The following USP32 variants were observed in gnomAD, a reference collection of about 807,000 sequenced individuals.
USP32 encodes the protein ubiquitin specific peptidase 32, also known as ubiquitin carboxyl-terminal hydrolase 32.
In USP32, 59 loss-of-function variants were observed where a neutral mutation model predicts 204.8. The ratio of observed to expected loss-of-function variants is 0.29; its 90% CI spans 0.23 to 0.36. The LOEUF (loss-of-function observed/expected upper bound fraction) is 0.36, where lower values mean the gene tolerates loss of function less well. USP32 is among the 10% of genes least tolerant of loss of function. USP32 has a pLI of 1.00. For missense variants in USP32, 1,160 were observed against 1,946.4 expected (o/e 0.60, Z 7.60); for synonymous variants, 517 against 678.4 (o/e 0.76, Z 3.70).
At chr17:60,397,291 C>T (rs2089906933) in intron 1 of USP32, among the ~76,000 whole-genome samples, 3 of 152,204 alleles carry the variant, frequency 2.0e-5, no homozygotes, top group African/African-American at 7.2e-5. Context: ...ATACCAGCTC[C>T]AGCTGTGTAC....
chr17:60,330,776 G>T (rs1240522226), intron 2 of USP32, among the ~76,000 whole-genome samples: 1 of 152,044 alleles, frequency 6.6e-6, no homozygotes, highest in Non-Finnish European at 1.5e-5. Context: ...TTTTCTAAAA[G>T]CTTAGTTAAA....
chr17:60,262,139 T>G lies in USP32; in HGVS notation c.990+3273A>C, dbSNP rs78092459. On this transcript the variant is annotated intron_variant, in intron 9 of 33. Transcript: ENST00000300896. ...AGCAAGGTATCATATGAACTTTTTC[T>G]AAAGCAAATTCACTGACTATATGGC... Among the ~76,000 whole-genome samples the G allele has an allele frequency of 1.5e-3, 231 of 152,332 alleles. 1 individual carries two copies. The highest frequency in any genetic ancestry group is 5.4e-3 in the African/African-American group (224 of 41,574).
At chr17:60,390,248 A>C (rs1407782345) in intron 1 of USP32, among the ~76,000 whole-genome samples, 1 of 152,222 alleles carries the variant, frequency 6.6e-6, no homozygotes, top group East Asian at 1.9e-4. Flanking sequence ...TACAAGTTTA[A>C]TTTTGGAATT....
chr17:60,376,977 A>G (rs2089557380), intron 1 of USP32, among the ~76,000 whole-genome samples: 1 of 152,244 alleles, frequency 6.6e-6, no homozygotes, highest in South Asian at 2.1e-4. Flanking sequence ...CATCGAATAA[A>G]AACGCACAAA....
At chr17:60,272,210 T>C (rs1380832628) in intron 5 of USP32, among the ~76,000 whole-genome samples, 1 of 152,214 alleles carries the variant, frequency 6.6e-6, no homozygotes, top group Non-Finnish European at 1.5e-5. Context: ...GCAGGACCTA[T>C]GTCTGATTCA....
intron 1 of USP32, among the ~76,000 whole-genome samples, chr17:60,379,489 G>A (rs1166490248): frequency 6.6e-6 from 1 of 151,998 alleles, no homozygotes; most frequent in East Asian, 1.9e-4. Flanking sequence ...GATCACAAGA[G>A]GCACTAGTGA....
chr17:60,260,159 C>T (rs2086417882), intron 9 of USP32, among the ~76,000 whole-genome samples: 1 of 152,128 alleles, frequency 6.6e-6, no homozygotes, highest in Admixed American at 6.6e-5. Flanking sequence ...TACTAGATAA[C>T]CATCCATCAT....
At chr17:60,216,570 A>G (rs1337856900) in intron 16 of USP32, among the ~76,000 whole-genome samples, 5 of 152,284 alleles carry the variant, frequency 3.3e-5, no homozygotes, top group African/African-American at 4.8e-5. Context: ...GAACTTCAGA[A>G]AAGGAATTCC....
rs35763642 is a variant in USP32 at position 60,406,156 on chromosome 17, CAAAAAAAAA to C, written c.106+16081_106+16089del. 1.1e-3 allele frequency among the ~76,000 whole-genome samples: 52 copies of C among 45,254 alleles called. No individual in the cohort carries two copies. The South Asian group carries it at 0.015, about 13-fold the overall frequency. 29.7% of individuals were successfully genotyped at this position (45,254 alleles called of 152,430 possible). A position where few individuals can be genotyped will look rare whatever the true frequency, so the allele number is the denominator to read the frequency against. The stretch of plus-strand genomic sequence containing the variant: ...TGGGTGACAGTGCAAGACCTTGTCT[CAAAAAAAAA>C]AAAAAAAAAAAAAGCTTATTATTCT... On this transcript the variant is annotated intron_variant, in intron 1 of 3. Coordinates refer to the USP32 transcript ENST00000588898.
At chr17:60,414,855 CTTT>C (rs778384707) in intron 1 of USP32, among the ~76,000 whole-genome samples, 2 of 133,630 alleles carry the variant, frequency 1.5e-5, no homozygotes, top group Non-Finnish European at 1.6e-5. Context: ...TTCTTTCTTT[CTTT>C]TTTTTTTTTT....
At chr17:60,393,470 T>C (rs2089872204), upstream of USP32, among the ~76,000 whole-genome samples, 1 of 152,210 alleles carries the variant, frequency 6.6e-6, no homozygotes, top group African/African-American at 2.4e-5. Context: ...ATTTAGTTCC[T>C]TGATTTTCAA....
chr17:60,179,132 C>A lies in USP32; in HGVS notation c.*123G>T, dbSNP rs2084036384. 2 of 1,120,492 alleles carry A rather than the reference C, an allele frequency of 1.8e-6. No homozygotes were observed. The highest frequency in any genetic ancestry group is 3.7e-5 in the South Asian group (2 of 53,930). 69.4% of individuals were successfully genotyped at this position (1,120,492 alleles called of 1,614,324 possible). The stretch of plus-strand genomic sequence containing the variant: ...TTTTAATTAGAATTTTTATTTTGTG[C>A]TTCAGGGCCACAGGATAAAATAACT... On this transcript the variant is annotated 3_prime_UTR_variant, in exon 34 of 34. Coordinates refer to ENST00000300896, the MANE Select transcript of USP32 (RefSeq NM_032582.4).
chr17:60,357,037 A>C (rs1490225062), intron 1 of USP32, among the ~76,000 whole-genome samples: 3 of 152,266 alleles, frequency 2.0e-5, no homozygotes, highest in Non-Finnish European at 4.4e-5. Flanking sequence ...GCAGTGAACT[A>C]TGATTGCATC....
intron 11 of USP32, among the ~76,000 whole-genome samples, chr17:60,244,229 A>C (rs1157255290): frequency 6.6e-6 from 1 of 151,666 alleles, no homozygotes; most frequent in Non-Finnish European, 1.5e-5. Context: ...CGTGTTAACC[A>C]GGATGGTCTC....
At position 60,183,369 on chromosome 17, in the gene USP32, C is replaced by G; in HGVS notation, c.3919G>C (p.Asp1307His). The G allele has an allele frequency of 3.1e-6, 5 of 1,612,966 alleles. No homozygotes were observed. The highest frequency in any genetic ancestry group is 4.2e-6 in the Non-Finnish European group (5 of 1,179,564). ...CTTGGTACCAAAAAAGCACTTGGAT[C>G]AAAACTTTCCCGAGGAAATTTGACA... The part of the protein sequence containing the change: ...KIVKFPRESF[D>H]PSAFLVPRDP... Residue 1307 changes from aspartate (D) to histidine (H), a missense_variant, in exon 31 of 34, where the codon GAT becomes CAT. This residue lies in a region of USP32 where 160 missense variants were observed against 322.5 expected (regional missense o/e 0.50). Coordinates refer to ENST00000300896, the MANE Select transcript of USP32 (RefSeq NM_032582.4).
At chr17:60,411,608 C>T (rs755317579) in intron 1 of USP32, among the ~76,000 whole-genome samples, 58 of 141,976 alleles carry the variant, frequency 4.1e-4, no homozygotes, top group Non-Finnish European at 7.4e-4. Context: ...CTAATGGGCT[C>T]AAGTGATCCT....
intron 2 of USP32, among the ~76,000 whole-genome samples, chr17:60,315,120 G>A (rs980268068): frequency 6.6e-6 from 1 of 152,142 alleles, no homozygotes; most frequent in African/African-American, 2.4e-5. Flanking sequence ...GAATGAGGCC[G>A]GGTGTGGTGG....
At chr17:60,242,453 C>A (rs965232970) in intron 11 of USP32, among the ~76,000 whole-genome samples, 16 of 152,178 alleles carry the variant, frequency 1.1e-4, no homozygotes, top group Non-Finnish European at 2.1e-4. Context: ...CACCGTCACC[C>A]AGGCTGGGGT....
At chr17:60,362,736 C>A (rs1225500938) in intron 1 of USP32, among the ~76,000 whole-genome samples, 1 of 152,022 alleles carries the variant, frequency 6.6e-6, no homozygotes, top group Non-Finnish European at 1.5e-5. Context: ...CACAATTTAT[C>A]ATTCTCCTGG....
Sources: allele counts gnomAD v4.1 joint callset (sites outside exome capture counted in the v4.1 genomes callset), GRCh38; gene constraint gnomAD v4.1.1; regional missense constraint gnomAD v4.1.1; transcripts MANE v1.5; gene names NCBI Gene and HGNC (gene_info 2026-07-23, HGNC 2026-07-21).